FGF20: variants seen among roughly 807,000 people sequenced by gnomAD.
The protein encoded by FGF20 is fibroblast growth factor 20.
A neutral mutation model predicts 16.7 loss-of-function variants in FGF20; 8 were observed. The ratio of observed to expected loss-of-function variants is 0.48; its 90% confidence interval spans 0.28 to 0.87. The LOEUF (loss-of-function observed/expected upper bound fraction) is 0.87, where lower values mean the gene tolerates loss of function less well. FGF20 is among the 40% of genes least tolerant of loss of function. FGF20 has a pLI of 0.10. For synonymous variants in FGF20, 161 were observed against 118.6 expected, an observed-to-expected ratio of 1.36 and a Z score of -2.32; for missense variants, 397 against 281.4, an observed-to-expected ratio of 1.41 and a Z score of -2.94.
At chr8:16,993,524 G>C (rs1228305512) in intron 2 of FGF20, among the ~76,000 whole-genome samples, 1 of 151,344 alleles carries the variant, frequency 6.6e-6, no homozygotes, top group Admixed American at 6.6e-5. Flanking sequence ...TAAAGTTGCA[G>C]TCCCCACCTC....
In FGF20 at chr8:16,993,218, TGCG is replaced by T; in HGVS notation, c.487_489del (p.Arg164del). The T allele has an allele frequency of 6.2e-7, 1 of 1,614,150 alleles. No individual in the cohort carries two copies. The highest frequency in any genetic ancestry group is 8.5e-7 in the Non-Finnish European group (1 of 1,180,010). On this transcript the variant is annotated inframe_deletion, in exon 3 of 3. Transcript: ENST00000180166. Reference sequence around the variant, plus strand: ...TCTTTGTTAAGTGCCACAAAATACCTGCGGCCAGTGTCTCCATGTTTATATATG... The same window carrying T: ...TCTTTGTTAAGTGCCACAAAATACCTGCCAGTGTCTCCATGTTTATATATG...
Position 16,992,457 on chromosome 8 carries a change from C to G in FGF20, c.*615G>C, listed in dbSNP as rs1194701583. On this transcript the variant is annotated 3_prime_UTR_variant, in exon 3 of 3. Transcript: ENST00000180166. ...TTACTCTTTGTATTATCTTCATATC[C>G]CAGTAAAAAATAAACTCTTTAATAA... The G allele has an allele frequency of 1.3e-5, 2 of 151,230 alleles. No homozygotes were observed. The highest frequency in any genetic ancestry group is 4.8e-5 in the African/African-American group (2 of 41,268). 9.4% of individuals were successfully genotyped at this position (151,230 alleles called of 1,614,324 possible).
chr8:17,000,566 A>T (rs542325897), intron 1 of FGF20, among the ~76,000 whole-genome samples: 7 of 152,272 alleles, frequency 4.6e-5, no homozygotes, highest in Non-Finnish European at 1.0e-4. Flanking sequence ...TTTAAAAATA[A>T]AATGAATTTT....
At chr8:16,995,848 G>A (rs1810029777) in intron 1 of FGF20, 90 bp from the exon 2 acceptor site, 2 of 686,090 alleles carry the variant, frequency 2.9e-6, no homozygotes, top group African/African-American at 1.8e-5. Flanking sequence ...AGTAGCGGTA[G>A]TCGGCCATTA....
chr8:17,002,244 C>A lies in FGF20; in HGVS notation c.-212G>T. On this transcript the variant is annotated 5_prime_UTR_variant, in exon 1 of 3. Transcript: ENST00000180166. ...TCTTCTCTCCTTGGGTAGGTGGGAG[C>A]CGGCTGCTGGCTCTGCAGAAATATC... The A allele has an allele frequency of 6.2e-6, 3 of 482,974 alleles. No individual in the cohort carries two copies. The highest frequency in any genetic ancestry group is 4.5e-5 in the Admixed American group (1 of 22,426). The allele number at this position is 482,974 out of a possible 1,614,324, so 29.9% of individuals were successfully genotyped here.
At chr8:16,998,214 G>T (rs781214325) in intron 1 of FGF20, among the ~76,000 whole-genome samples, 10 of 152,158 alleles carry the variant, frequency 6.6e-5, no homozygotes, top group East Asian at 1.9e-4. Flanking sequence ...AAAGACAAAA[G>T]GTTATTTATG....
intron 2 of FGF20, among the ~76,000 whole-genome samples, chr8:16,994,258 T>A (rs1585100901): frequency 1.3e-5 from 2 of 152,330 alleles, no homozygotes; most frequent in Admixed American, 1.3e-4. Context: ...AAGATCTTGC[T>A]AAGAACCAAA....
intron 1 of FGF20, 118 bp downstream of exon 1, chr8:17,001,629 G>T: frequency 1.6e-6 from 2 of 1,212,558 alleles, no homozygotes; most frequent in Non-Finnish European, 2.2e-6. Flanking sequence ...GTCCAGGGGA[G>T]CTCCGGGCTC....
chr8:17,001,055 C>A (rs1810168465), intron 1 of FGF20, among the ~76,000 whole-genome samples: 2 of 150,180 alleles, frequency 1.3e-5, no homozygotes, highest in African/African-American at 4.9e-5. Context: ...CCCTCCCCCC[C>A]TTTCCTTTTC....
intron 1 of FGF20, among the ~76,000 whole-genome samples, chr8:16,996,453 CT>C (rs1810049251): frequency 6.6e-6 from 1 of 152,140 alleles, no homozygotes; most frequent in African/African-American, 2.4e-5. Flanking sequence ...GATGAAATGC[CT>C]CCCTAAAGGA....
intron 1 of FGF20, among the ~76,000 whole-genome samples, chr8:16,998,219 T>G (rs1237606210): frequency 1.3e-5 from 2 of 152,224 alleles, no homozygotes; most frequent in Non-Finnish European, 2.9e-5. Context: ...CAAAAGGTTA[T>G]TTATGTTCTT....
chr8:16,995,260 T>C (rs889412617), intron 2 of FGF20, among the ~76,000 whole-genome samples: 1 of 152,224 alleles, frequency 6.6e-6, no homozygotes, highest in Admixed American at 6.5e-5. Context: ...AAGTGACGTA[T>C]ATTTAGCTGT....
chr8:16,997,113 G>T (rs1468592655), intron 1 of FGF20, among the ~76,000 whole-genome samples: 1 of 151,994 alleles, frequency 6.6e-6, no homozygotes, highest in Non-Finnish European at 1.5e-5. Flanking sequence ...CAGTAAACTG[G>T]GATCAAAAAC....
At position 17,002,201 on chromosome 8, in the gene FGF20, C is replaced by T. The variant is rs1426891367; in HGVS notation, c.-169G>A. 2 of 617,412 alleles carry T rather than the reference C, an allele frequency of 3.2e-6. No individual in the cohort carries two copies. Among genetic ancestry groups the T allele is most frequent in the Admixed American group, 8.7e-5 (2 of 23,076 alleles). The allele number at this position is 617,412 out of a possible 1,614,324, so 38.2% of individuals were successfully genotyped here. ...TTTGCACTGAAATGGCAGGGAAGCTCTCACTGTCTTGGAGCGATCTTCTCT... is the reference window on the plus strand; with the variant it reads ...TTTGCACTGAAATGGCAGGGAAGCTTTCACTGTCTTGGAGCGATCTTCTCT... On this transcript the variant is annotated 5_prime_UTR_variant, in exon 1 of 3. Coordinates refer to ENST00000180166, the MANE Select transcript of FGF20 (RefSeq NM_019851.3).
At chr8:16,993,756 G>T (rs1809975605) in intron 2 of FGF20, among the ~76,000 whole-genome samples, 1 of 152,104 alleles carries the variant, frequency 6.6e-6, no homozygotes, top group South Asian at 2.1e-4. Flanking sequence ...GTCCCATCTG[G>T]GGGTGAACGG....
intron 1 of FGF20, among the ~76,000 whole-genome samples, chr8:16,999,471 C>G: frequency 6.9e-6 from 1 of 144,544 alleles, no homozygotes; most frequent in African/African-American, 2.6e-5. Flanking sequence ...TAAAAGAGGC[C>G]TTTTTTTTTC....
At position 17,002,158 on chromosome 8, in the gene FGF20, A is replaced by C. The variant is rs1012995901; in HGVS notation, c.-126T>G. 1 of 990,546 alleles carries C rather than the reference A, an allele frequency of 1.0e-6. No homozygotes were observed. Among genetic ancestry groups the C allele is most frequent in the African/African-American group, 1.7e-5 (1 of 57,938 alleles). The allele number at this position is 990,546 out of a possible 1,614,324, so 61.4% of individuals were successfully genotyped here. A position where few individuals can be genotyped will look rare whatever the true frequency, so the allele number is the denominator to read the frequency against. On this transcript the variant is annotated 5_prime_UTR_variant, in exon 1 of 3. Coordinates refer to ENST00000180166, the MANE Select transcript of FGF20 (RefSeq NM_019851.3). Reference sequence around the variant, plus strand: ...AAGTTAAGGCCCGGTTACTCCTCTGAGGTCGCTCCGGAGGGACTTTGCACT... The same window carrying C: ...AAGTTAAGGCCCGGTTACTCCTCTGCGGTCGCTCCGGAGGGACTTTGCACT...
intron 1 of FGF20, among the ~76,000 whole-genome samples, chr8:17,001,340 C>A (rs1208428824): frequency 6.6e-6 from 1 of 152,026 alleles, no homozygotes; most frequent in Non-Finnish European, 1.5e-5. Flanking sequence ...GAAAGGAAAT[C>A]GGAGAGAAAC....
At chr8:16,999,381 T>C (rs1327965607) in intron 1 of FGF20, among the ~76,000 whole-genome samples, 1 of 152,196 alleles carries the variant, frequency 6.6e-6, no homozygotes, top group Non-Finnish European at 1.5e-5. Context: ...TGCCGTTAAA[T>C]GCCATTAATG....
Sources: allele counts gnomAD v4.1 joint callset (sites outside exome capture counted in the v4.1 genomes callset), GRCh38; gene constraint gnomAD v4.1.1; transcripts MANE v1.5; gene names NCBI Gene and HGNC (gene_info 2026-07-23, HGNC 2026-07-21).